SPTBN4: variants seen among roughly 807,000 people sequenced by gnomAD.
SPTBN4 encodes spectrin beta, non-erythrocytic 4, also known as spectrin beta chain, non-erythrocytic 4.
A neutral mutation model predicts 277.8 loss-of-function variants in SPTBN4; 96 were observed. The observed-to-expected ratio is 0.35, with a 90% CI of 0.29 to 0.41. SPTBN4 has a LOEUF of 0.41. SPTBN4 is among the 10% of genes least tolerant of loss of function. The pLI, the probability that SPTBN4 is intolerant of heterozygous loss-of-function variation, is 1.00. For synonymous variants in SPTBN4, 1,481 were observed against 1,580.3 expected (o/e 0.94, Z 1.49); for missense variants, 3,006 against 3,595.7 (o/e 0.84, Z 4.19).
Position 40,567,873 on chromosome 19 carries a change from C to T in SPTBN4, c.6547C>T (p.Leu2183Phe). The change falls in exon 31 of 36, where the codon CTC becomes TTC. Residue 2183 changes from leucine to phenylalanine, a missense_variant. Physicochemically the swap from Leu to Phe is conservative, Grantham distance 22 (BLOSUM62 0). Coordinates refer to ENST00000598249, the MANE Select transcript of SPTBN4 (RefSeq NM_020971.3). ...RTRVGYVRQE[L>F]KPERLQPRID... Reference sequence around the variant, plus strand: ...TCGGGTGGGGTATGTGCGCCAGGAGCTCAAGCCCGAGCGCCTCCAGCCGCG... The same window carrying T: ...TCGGGTGGGGTATGTGCGCCAGGAGTTCAAGCCCGAGCGCCTCCAGCCGCG... 1 of 1,525,636 alleles carries T rather than the reference C, an allele frequency of 6.6e-7. No homozygotes were observed. The highest frequency in any genetic ancestry group is 8.8e-7 in the Non-Finnish European group (1 of 1,138,826). 94.5% of individuals were successfully genotyped at this position (1,525,636 alleles called of 1,614,324 possible). A position where few individuals can be genotyped will look rare whatever the true frequency, so the allele number is the denominator to read the frequency against.
rs1444547373 is a variant in SPTBN4 at position 40,519,130 on chromosome 19, C to T, written c.2904-271C>T. ...CCTCTGGAAAACTCCACTGAACACT[C>T]GGGAAAGAATGAGAGTGAAAAAGCA... On this transcript the variant is annotated intron_variant, in intron 15 of 35. Coordinates refer to ENST00000598249, the MANE Select transcript of SPTBN4 (RefSeq NM_020971.3). The surrounding 1 kb of genome is among the most constrained non-coding windows in gnomAD (Gnocchi z 5.7). 6.6e-6 allele frequency among the ~76,000 whole-genome samples: 1 copy of T among 152,150 alleles called. No individual in the cohort carries two copies. The highest frequency in any genetic ancestry group is 2.4e-5 in the African/African-American group (1 of 41,434).
intron 32 of SPTBN4, among the ~76,000 whole-genome samples, chr19:40,569,936 C>A (rs868242495): frequency 7.6e-5 from 10 of 131,468 alleles, no homozygotes; most frequent in African/African-American, 3.0e-4. Context: ...TACTGCCCCT[C>A]CACACACACA....
intron 17 of SPTBN4, among the ~76,000 whole-genome samples, chr19:40,526,933 C>T (rs2080599688): frequency 6.6e-6 from 1 of 152,144 alleles, no homozygotes; most frequent in Non-Finnish European, 1.5e-5. Context: ...GGGTCTTCCT[C>T]ATCTCTAGGA....
intron 32 of SPTBN4, 56 bp from the exon 33 acceptor site, chr19:40,570,380 A>ATGAC: frequency 7.1e-6 from 9 of 1,275,974 alleles, no homozygotes; most frequent in Non-Finnish European, 9.5e-6. Context: ...CCCCAAACAG[A>ATGAC]TGACCCCCAC....
At position 40,490,672 on chromosome 19, in the gene SPTBN4, A is replaced by G. The variant is rs998724418; in HGVS notation, c.495+424A>G. On this transcript the variant is annotated intron_variant, in intron 4 of 35. Coordinates refer to ENST00000598249, the MANE Select transcript of SPTBN4 (RefSeq NM_020971.3). This position sits in a 1 kb window ranked among gnomAD's most constrained non-coding sequence, Gnocchi z 4.3. ...AAAGGTGTGCCTTTTAGGAGCTTAC[A>G]TTGTGGTGAGGAAGACAGATAATAA... Among the ~76,000 whole-genome samples, 4 of 152,154 alleles carry G rather than the reference A, an allele frequency of 2.6e-5. No individual in the cohort carries two copies. Among genetic ancestry groups the G allele is most frequent in the Admixed American group, 1.3e-4 (2 of 15,270 alleles).
At position 40,512,628 on chromosome 19, in the gene SPTBN4, G is replaced by T; in HGVS notation, c.1839G>T (p.Gln613His). 2 of 1,540,998 alleles carry T rather than the reference G, an allele frequency of 1.3e-6. No individual in the cohort carries two copies. Among genetic ancestry groups the T allele is most frequent in the East Asian group, 2.5e-5 (1 of 40,326 alleles). Residue 613 changes from glutamine to histidine, a missense_variant, in exon 14 of 36, where the codon CAG becomes CAT. By Grantham distance (24) the Gln-to-His change is conservative. Coordinates refer to ENST00000598249, the MANE Select transcript of SPTBN4 (RefSeq NM_020971.3). ...QLQGYQPCDPQVICNRVNHVH... is the reference protein window; with the variant it reads ...QLQGYQPCDPHVICNRVNHVH... ...CAGGCTACCAGCCCTGCGACCCGCAGGTCATCTGCAACCGCGTGAACCACG... is the reference window on the plus strand; with the variant it reads ...CAGGCTACCAGCCCTGCGACCCGCATGTCATCTGCAACCGCGTGAACCACG...
At chr19:40,517,604 C>T (rs10413521) in intron 15 of SPTBN4, among the ~76,000 whole-genome samples, 73,620 of 152,018 alleles carry the variant, frequency 0.48, 19,905 homozygotes, top group African/African-American at 0.74. Flanking sequence ...CCAAAGACTA[C>T]GCTCTTGACT....
At chr19:40,535,260 A>C (rs992497381) in intron 20 of SPTBN4, among the ~76,000 whole-genome samples, 1 of 151,582 alleles carries the variant, frequency 6.6e-6, no homozygotes, top group Non-Finnish European at 1.5e-5. Flanking sequence ...GTCTCACCAT[A>C]TTGCCTAGGG....
intron 3 of SPTBN4, among the ~76,000 whole-genome samples, chr19:40,488,222 CAG>C (rs975899915): frequency 2.0e-5 from 3 of 151,728 alleles, no homozygotes; most frequent in Admixed American, 6.6e-5. Flanking sequence ...TGCTATAAAA[CAG>C]GGGCAGAACT....
chr19:40,532,778 A>C lies in SPTBN4; in HGVS notation c.4095+7A>C. 6.2e-7 allele frequency: 1 copy of C among 1,607,128 alleles called. No individual in the cohort carries two copies. The highest frequency in any genetic ancestry group is 8.5e-7 in the Non-Finnish European group (1 of 1,176,194). On this transcript the variant is annotated splice_region_variant and intron_variant, in intron 19 of 35. Coordinates refer to ENST00000598249, the MANE Select transcript of SPTBN4 (RefSeq NM_020971.3). ...GCTGGAGAAGATCGAGCGGGTGAGG[A>C]AGCTGATGGCCCCTCTGCCTGTGCC...
intron 20 of SPTBN4, among the ~76,000 whole-genome samples, chr19:40,548,549 C>G (rs1158122235): frequency 2.0e-5 from 3 of 151,726 alleles, no homozygotes; most frequent in Non-Finnish European, 4.4e-5. Context: ...AACCCCATCT[C>G]TACAAAAATA....
intron 20 of SPTBN4, among the ~76,000 whole-genome samples, chr19:40,535,066 T>G (rs2080719774): frequency 6.6e-6 from 1 of 152,156 alleles, no homozygotes; most frequent in Admixed American, 6.5e-5. Context: ...TTGTTTGTTT[T>G]TTTCTTCAAG....
intron 29 of SPTBN4, 137 bp from the exon 30 acceptor site, chr19:40,566,026 C>A: frequency 1.1e-6 from 1 of 914,778 alleles, no homozygotes; most frequent in Non-Finnish European, 1.6e-6. Flanking sequence ...CCAGCCTCTG[C>A]CATTCCTGCA....
At position 40,494,963 on chromosome 19, in the gene SPTBN4, C is replaced by G; in HGVS notation, c.654C>G (p.Leu218=). ...SWRDGLAFNA[L]IHRHRPDLVD... Reference sequence around the variant, plus strand: ...GGGATGGCTTGGCCTTCAATGCCCTCATTCACCGGCACAGGTACCACCTGG... The same window carrying G: ...GGGATGGCTTGGCCTTCAATGCCCTGATTCACCGGCACAGGTACCACCTGG... The change falls in exon 6 of 36, where the codon CTC becomes CTG. Residue 218 remains leucine (L), a synonymous_variant. Transcript: ENST00000598249. 6.2e-7 allele frequency: 1 copy of G among 1,614,160 alleles called. No homozygotes were observed. The highest frequency in any genetic ancestry group is 8.5e-7 in the Non-Finnish European group (1 of 1,180,022).
chr19:40,472,611 C>T lies in SPTBN4; in HGVS notation c.-11C>T. The T allele has an allele frequency of 1.9e-6, 3 of 1,608,726 alleles. No homozygotes were observed. Among genetic ancestry groups the T allele is most frequent in the Non-Finnish European group, 2.5e-6 (3 of 1,176,694 alleles). On this transcript the variant is annotated 5_prime_UTR_variant, in exon 2 of 36. Coordinates refer to ENST00000598249, the MANE Select transcript of SPTBN4 (RefSeq NM_020971.3). ...CCTACCTCTCCCTATGTCCAGGCCT[C>T]ACCTTCCCCGATGGCGCAGGTACCA...
At position 40,476,248 on chromosome 19, in the gene SPTBN4, G is replaced by T. The variant is rs1358843280; in HGVS notation, c.169+3458G>T. On this transcript the variant is annotated intron_variant, in intron 2 of 35. Transcript: ENST00000598249. ...TAATCCCAGCTACTCAGGAGGATGA[G>T]GCAGGAGAATCGCCTGAACCTCAGA... 2.6e-5 allele frequency among the ~76,000 whole-genome samples: 4 copies of T among 151,550 alleles called. No individual in the cohort carries two copies. In the East Asian group the frequency reaches 7.8e-4, roughly 30 times the overall value.
chr19:40,554,200 G>A lies in SPTBN4; in HGVS notation c.4728G>A (p.Glu1576=), dbSNP rs1196245071. ...GGCCGCGCCTGGAGGAGGTGCTGGA[G>A]CGCGCGGGCGCGCTGGCGTCGCTGC... ...AHGPRLEEVL[E]RAGALASLRS... is the part of the protein sequence containing the mutation. The change falls in exon 23 of 36, where the codon GAG becomes GAA. Residue 1576 remains glutamate (E), a synonymous_variant. Coordinates refer to ENST00000598249, the MANE Select transcript of SPTBN4 (RefSeq NM_020971.3). This position sits in a 1 kb window ranked among gnomAD's most constrained non-coding sequence, Gnocchi z 5.7. 1.4e-6 allele frequency: 2 copies of A among 1,478,776 alleles called. No homozygotes were observed. Among genetic ancestry groups the A allele is most frequent in the Non-Finnish European group, 1.8e-6 (2 of 1,127,188 alleles). 91.6% of individuals were successfully genotyped at this position (1,478,776 alleles called of 1,614,324 possible). A position where few individuals can be genotyped will look rare whatever the true frequency, so the allele number is the denominator to read the frequency against.
At chr19:40,487,980 T>TG in intron 3 of SPTBN4, 132 bp downstream of exon 3, 10 of 1,081,518 alleles carry the variant, frequency 9.2e-6, no homozygotes, top group Non-Finnish European at 1.3e-5. Context: ...GGAAGGGCCC[T>TG]GTGGGTAAGA....
chr19:40,471,732 T>G (rs1190678581), intron 1 of SPTBN4, among the ~76,000 whole-genome samples: 1 of 151,738 alleles, frequency 6.6e-6, no homozygotes, highest in Non-Finnish European at 1.5e-5. Context: ...ACCACCACAT[T>G]TGGCTAATTT....
Sources: gnomAD v4.1 joint callset for allele counts (sites outside exome capture counted in the v4.1 genomes callset) on GRCh38, gnomAD v4.1.1 for gene constraint, Gnocchi (gnomAD v3.1) non-coding constraint, MANE v1.5 for transcripts, NCBI Gene and HGNC (gene_info 2026-07-23, HGNC 2026-07-21) for gene names.